GCLM: variants seen among roughly 807,000 people sequenced by gnomAD.
The protein encoded by GCLM is glutamate-cysteine ligase modifier subunit, also known as glutamate--cysteine ligase regulatory subunit.
In GCLM, 15 loss-of-function variants were observed where a neutral mutation model predicts 36.0. That is an observed-to-expected ratio of 0.42 (90% CI 0.28 to 0.64). The LOEUF (loss-of-function observed/expected upper bound fraction) is 0.64, where lower values mean the gene tolerates loss of function less well. GCLM is among the 30% of genes least tolerant of loss of function. The probability of loss-of-function intolerance (pLI) is 0.25; values close to 1 mark genes in which losing one functional copy is unlikely to be tolerated. For missense variants in GCLM, 242 were observed against 325.5 expected (o/e 0.74, Z 1.97); for synonymous variants, 129 against 122.8 (o/e 1.05, Z -0.34).
intron 4 of GCLM, among the ~76,000 whole-genome samples, chr1:93,897,270 G>A (rs1195549299): frequency 6.6e-6 from 1 of 152,144 alleles, no homozygotes; most frequent in Non-Finnish European, 1.5e-5. Context: ...GAATAAGCTT[G>A]AGACACTGAA....
In GCLM at chr1:93,888,726, G is replaced by T. The variant is rs1038946308; in HGVS notation, c.*264C>A. The T allele has an allele frequency of 1.2e-5, 3 of 248,994 alleles. No homozygotes were observed. Among genetic ancestry groups the T allele is most frequent in the Non-Finnish European group, 2.3e-5 (3 of 132,740 alleles). The allele number at this position is 248,994 out of a possible 1,614,324, so 15.4% of individuals were successfully genotyped here. A position where few individuals can be genotyped will look rare whatever the true frequency, so the allele number is the denominator to read the frequency against. ...GATTTATATTAGTCATAAAAATAAAGGAAAAATATATTGCAAGTATTTTCT... is the reference window on the plus strand; with the variant it reads ...GATTTATATTAGTCATAAAAATAAATGAAAAATATATTGCAAGTATTTTCT... On this transcript the variant is annotated 3_prime_UTR_variant, in exon 7 of 7. Coordinates refer to ENST00000370238, the MANE Select transcript of GCLM (RefSeq NM_002061.4).
chr1:93,890,356 TTAAA>T (rs1236400124), intron 6 of GCLM, among the ~76,000 whole-genome samples: 1 of 152,144 alleles, frequency 6.6e-6, no homozygotes, highest in Admixed American at 6.6e-5. Context: ...GTCTGTAAGT[TTAAA>T]TATACTAGTG....
intron 3 of GCLM, among the ~76,000 whole-genome samples, chr1:93,898,775 C>T (rs536494757): frequency 4.0e-4 from 61 of 152,222 alleles, no homozygotes; most frequent in African/African-American, 1.3e-3. Flanking sequence ...CAGGCATGTA[C>T]CAATACACCT....
rs1418083110 is a variant in GCLM, at chr1:93,886,261, C to T, written c.*2729G>A. 2 of 151,788 alleles carry T rather than the reference C, an allele frequency of 1.3e-5. No homozygotes were observed. The highest frequency in any genetic ancestry group is 4.8e-5 in the African/African-American group (2 of 41,288). The allele number at this position is 151,788 out of a possible 1,614,324, so 9.4% of individuals were successfully genotyped here. Reference sequence around the variant, plus strand: ...AAAAAACAATTATATAAACTTTCTACCTTGGTCTCACTGGATGCACATCTC... The same window carrying T: ...AAAAAACAATTATATAAACTTTCTATCTTGGTCTCACTGGATGCACATCTC... On this transcript the variant is annotated 3_prime_UTR_variant, in exon 7 of 7. Transcript: ENST00000370238.
chr1:93,897,266 G>A (rs892596272), intron 4 of GCLM, among the ~76,000 whole-genome samples: 9 of 152,142 alleles, frequency 5.9e-5, no homozygotes, highest in African/African-American at 1.9e-4. Context: ...CAAAGAATAA[G>A]CTTGAGACAC....
At chr1:93,903,269 A>C (rs1657024483) in intron 2 of GCLM, among the ~76,000 whole-genome samples, 1 of 151,808 alleles carries the variant, frequency 6.6e-6, no homozygotes, top group East Asian at 1.9e-4. Flanking sequence ...TTAGTTTTAT[A>C]ATCACAAGCA....
At position 93,892,168 on chromosome 1, in the gene GCLM, C is replaced by A. The variant is rs1187585886; in HGVS notation, c.655+2446G>T. On this transcript the variant is annotated intron_variant, in intron 6 of 6. Transcript: ENST00000370238. Reference sequence around the variant, plus strand: ...AAATGGAAAGTTCTAAATTCAGGATCATCTACTTTACAATTTTACTCTCTA... The same window carrying A: ...AAATGGAAAGTTCTAAATTCAGGATAATCTACTTTACAATTTTACTCTCTA... Among the ~76,000 whole-genome samples the A allele has an allele frequency of 4.6e-5, 7 of 152,118 alleles. 1 individual carries two copies. Among genetic ancestry groups the A allele is most frequent in the Admixed American group, 2.6e-4 (4 of 15,272 alleles).
In GCLM at chr1:93,894,177, G is replaced by A. The variant is rs190746438; in HGVS notation, c.655+437C>T. 3.3e-5 allele frequency among the ~76,000 whole-genome samples: 5 copies of A among 152,178 alleles called. No homozygotes were observed. In the East Asian group the frequency reaches 9.6e-4, roughly 29 times the overall value. ...GAAGGCTGAGGCAGGAGGAGAGCTT[G>A]AGTCCGGGAGGTGGAGACTGCAGTC... On this transcript the variant is annotated intron_variant, in intron 6 of 6. Transcript: ENST00000370238.
intron 2 of GCLM, among the ~76,000 whole-genome samples, chr1:93,903,323 T>G (rs1186784112): frequency 6.6e-6 from 1 of 151,740 alleles, no homozygotes; most frequent in Non-Finnish European, 1.5e-5. Context: ...TTATTATTAT[T>G]TTTTTGAGAC....
At chr1:93,895,023 T>C (rs1656678227) in intron 5 of GCLM, among the ~76,000 whole-genome samples, 1 of 149,216 alleles carries the variant, frequency 6.7e-6, no homozygotes, top group South Asian at 2.1e-4. Flanking sequence ...TTTTTTTTTT[T>C]TTTTTTTTTG....
Position 93,896,584 on chromosome 1 carries a change from T to C in GCLM, c.540+34A>G, listed in dbSNP as rs776941374. ...AGCAAAGACTGAAAAGGGCAAGTTC[T>C]TCCTGGAGTGCTCATGATCCTGCCA... On this transcript the variant is annotated intron_variant, in intron 5 of 6. Transcript: ENST00000370238. The C allele has an allele frequency of 1.2e-5, 18 of 1,549,948 alleles. 1 individual carries two copies. The highest frequency in any genetic ancestry group is 3.4e-4 in the Middle Eastern group (2 of 5,950).
intron 6 of GCLM, among the ~76,000 whole-genome samples, chr1:93,893,921 A>G (rs1656625091): frequency 6.6e-6 from 1 of 152,178 alleles, no homozygotes; most frequent in South Asian, 2.1e-4. Context: ...TTTTGAATTA[A>G]ATTACATGTG....
intron 2 of GCLM, among the ~76,000 whole-genome samples, chr1:93,903,675 G>A (rs891733796): frequency 2.0e-5 from 3 of 152,102 alleles, no homozygotes; most frequent in African/African-American, 7.2e-5. Context: ...GCAGAAAAAA[G>A]CAAAGGCTAT....
chr1:93,908,780 C>G, intron 1 of GCLM: 1 of 289,808 alleles, frequency 3.5e-6, no homozygotes. Context: ...GTTTTGCTAC[C>G]AGCCTTAAGC....
chr1:93,896,804 T>C lies in GCLM; in HGVS notation c.354A>G (p.Gly118=). The C allele has an allele frequency of 6.3e-7, 1 of 1,592,852 alleles. No homozygotes were observed. The highest frequency in any genetic ancestry group is 8.6e-7 in the Non-Finnish European group (1 of 1,160,624). ...SAVDMACSVL[G]VAQLDSVIIA... ...TGATCACAGAATCCAGCTGTGCAAC[T>C]CCAAGGACTGAACAGGCTGATAGGA... is the stretch of plus-strand genomic sequence containing the variant. Residue 118 remains glycine, a synonymous_variant, in exon 5 of 7, where the codon GGA becomes GGG. Coordinates refer to ENST00000370238, the MANE Select transcript of GCLM (RefSeq NM_002061.4).
At chr1:93,900,128 G>A (rs548512217) in intron 3 of GCLM, among the ~76,000 whole-genome samples, 102 of 152,088 alleles carry the variant, frequency 6.7e-4, no homozygotes, top group African/African-American at 2.3e-3. Context: ...CTATTGAACA[G>A]CCATCCTAGC....
chr1:93,889,620 A>G (rs1339743138), intron 6 of GCLM, among the ~76,000 whole-genome samples: 2 of 151,744 alleles, frequency 1.3e-5, no homozygotes, highest in African/African-American at 2.4e-5. Context: ...GAATCTCTAT[A>G]TATCTCTAGA....
chr1:93,894,973 G>A (rs1313024043), intron 5 of GCLM, among the ~76,000 whole-genome samples: 1 of 149,732 alleles, frequency 6.7e-6, no homozygotes, highest in African/African-American at 2.5e-5. Flanking sequence ...GGGAAAGGAA[G>A]TGTAACACTA....
chr1:93,907,553 T>C (rs1169761819), intron 1 of GCLM, among the ~76,000 whole-genome samples: 2 of 152,206 alleles, frequency 1.3e-5, no homozygotes, highest in African/African-American at 2.4e-5. Flanking sequence ...GTCACTACTT[T>C]AGAGTATGCT....
Sources: allele counts gnomAD v4.1 joint callset (sites outside exome capture counted in the v4.1 genomes callset), GRCh38; gene constraint gnomAD v4.1.1; transcripts MANE v1.5; gene names NCBI Gene and HGNC (gene_info 2026-07-23, HGNC 2026-07-21).